The following ITPRID1 variants were observed in gnomAD, a reference collection of about 807,000 sequenced individuals.
The protein encoded by ITPRID1 is protein ITPRID1.
In ITPRID1, 96 loss-of-function variants were observed where a neutral mutation model predicts 95.4. The ratio of observed to expected loss-of-function variants is 1.01; its 90% CI spans 0.85 to 1.19. The LOEUF (loss-of-function observed/expected upper bound fraction) is 1.19. ITPRID1 is among the 50% of genes most tolerant of loss of function. ITPRID1 has a pLI of 0.00. For missense variants in ITPRID1, 1,339 were observed against 1,252.9 expected, an observed-to-expected ratio of 1.07 and a Z score of -1.04; for synonymous variants, 510 against 453.6, an observed-to-expected ratio of 1.12 and a Z score of -1.58.
intron 10 of ITPRID1, among the ~76,000 whole-genome samples, chr7:31,622,254 C>T (rs1000590972): frequency 6.7e-6 from 1 of 149,172 alleles, no homozygotes; most frequent in African/African-American, 2.5e-5. Flanking sequence ...ACCAAGCGGA[C>T]CTAATAGGCA....
chr7:31,592,457 A>T (rs956827785), intron 10 of ITPRID1, among the ~76,000 whole-genome samples: 3 of 152,206 alleles, frequency 2.0e-5, no homozygotes. Flanking sequence ...GTTGATTAAG[A>T]TGTTACTCAA....
intron 5 of ITPRID1, among the ~76,000 whole-genome samples, chr7:31,562,932 A>G (rs1784674131): frequency 6.6e-6 from 1 of 152,120 alleles, no homozygotes; most frequent in Non-Finnish European, 1.5e-5. Context: ...CACCACTAAC[A>G]TGCATTTTGG....
At chr7:31,650,607 T>C (rs1790860886) in intron 12 of ITPRID1, among the ~76,000 whole-genome samples, 1 of 152,040 alleles carries the variant, frequency 6.6e-6, no homozygotes, top group African/African-American at 2.4e-5. Context: ...GCTTGTTAGG[T>C]GGATGAAGCT....
intron 1 of ITPRID1, chr7:31,529,731 G>A (rs776521989): frequency 7.2e-6 from 11 of 1,522,690 alleles, no homozygotes; most frequent in Middle Eastern, 1.7e-4. Flanking sequence ...AACATTCAAG[G>A]AGACAAAAAG....
intron 1 of ITPRID1, among the ~76,000 whole-genome samples, chr7:31,526,498 G>A (rs890746088): frequency 1.1e-4 from 17 of 152,158 alleles, no homozygotes; most frequent in African/African-American, 4.1e-4. Flanking sequence ...CCTAAACTTT[G>A]TGTGAGAATT....
intron 10 of ITPRID1, among the ~76,000 whole-genome samples, chr7:31,604,854 AG>A (rs1475578641): frequency 1.3e-5 from 2 of 152,284 alleles, no homozygotes; most frequent in East Asian, 3.9e-4. Context: ...TAAATCTCTC[AG>A]CCAGGCAGGG....
At chr7:31,611,194 C>G (rs544075952) in intron 10 of ITPRID1, among the ~76,000 whole-genome samples, 6 of 151,326 alleles carry the variant, frequency 4.0e-5, no homozygotes, top group African/African-American at 1.2e-4. Flanking sequence ...GGATTAGTAC[C>G]AACAATTTCA....
chr7:31,634,250 G>C (rs1267183866), intron 10 of ITPRID1, among the ~76,000 whole-genome samples: 1 of 152,128 alleles, frequency 6.6e-6, no homozygotes, highest in Non-Finnish European at 1.5e-5. Context: ...GAAGACACTT[G>C]TGTGCTGAAA....
chr7:31,657,080 AT>A (rs1232640332), downstream of ITPRID1, among the ~76,000 whole-genome samples: 5 of 12,080 alleles, frequency 4.1e-4, no homozygotes, highest in African/African-American at 1.6e-3. Flanking sequence ...TGTATCATAT[AT>A]ATTTTATATA....
At chr7:31,620,797 C>A (rs368173989) in intron 10 of ITPRID1, among the ~76,000 whole-genome samples, 1 of 152,034 alleles carries the variant, frequency 6.6e-6, no homozygotes, top group Admixed American at 6.6e-5. Flanking sequence ...AGACATCAGA[C>A]GATCAAACTA....
chr7:31,636,065 A>G (rs1193581811), intron 10 of ITPRID1, among the ~76,000 whole-genome samples: 3 of 152,232 alleles, frequency 2.0e-5, no homozygotes, highest in Non-Finnish European at 4.4e-5. Context: ...AATGAGAGCT[A>G]GCAGGGGAAA....
chr7:31,519,945 T>G (rs912369695), intron 1 of ITPRID1, among the ~76,000 whole-genome samples: 1 of 151,980 alleles, frequency 6.6e-6, no homozygotes, highest in African/African-American at 2.4e-5. Flanking sequence ...TAAACATTTT[T>G]AAGTTTTTAC....
chr7:31,535,861 T>C (rs1338663431), intron 1 of ITPRID1, among the ~76,000 whole-genome samples: 1 of 152,064 alleles, frequency 6.6e-6, no homozygotes, highest in African/African-American at 2.4e-5. Context: ...TCATTCTTAT[T>C]TGTTGTTCCT....
chr7:31,527,955 A>G (rs762889831), intron 1 of ITPRID1, among the ~76,000 whole-genome samples: 5 of 152,132 alleles, frequency 3.3e-5, no homozygotes, highest in Non-Finnish European at 7.4e-5. Flanking sequence ...TTTGGTTATG[A>G]ATCACCCATT....
At chr7:31,559,889 G>T (rs1353868526) in intron 5 of ITPRID1, among the ~76,000 whole-genome samples, 2 of 152,158 alleles carry the variant, frequency 1.3e-5, no homozygotes, top group African/African-American at 2.4e-5. Flanking sequence ...GGAACACGAA[G>T]TTTCTGACAG....
At chr7:31,647,312 C>G (rs1288875907) in intron 12 of ITPRID1, among the ~76,000 whole-genome samples, 2 of 152,016 alleles carry the variant, frequency 1.3e-5, no homozygotes, top group African/African-American at 4.8e-5. Context: ...AAAATATTAA[C>G]AGGACATAGC....
In ITPRID1 at chr7:31,651,962, C is replaced by G; in HGVS notation, c.2735C>G (p.Thr912Arg). Residue 912 changes from threonine to arginine, a missense_variant, in exon 14 of 15, where the codon ACG (threonine) becomes AGG (arginine). Transcript: ENST00000615280. ...EEREEAEQLQ[T>R]LREALRQQVA... ...AGGGAGGAGGCCGAGCAACTGCAAACGTTACGTGAGGCCCTGAGGCAGCAG... is the reference window on the plus strand; with the variant it reads ...AGGGAGGAGGCCGAGCAACTGCAAAGGTTACGTGAGGCCCTGAGGCAGCAG... 2 of 1,601,258 alleles carry G rather than the reference C, an allele frequency of 1.2e-6. No individual in the cohort carries two copies. The highest frequency in any genetic ancestry group is 1.7e-6 in the Non-Finnish European group (2 of 1,174,046).
chr7:31,574,196 G>A (rs960160162), intron 7 of ITPRID1, among the ~76,000 whole-genome samples: 4 of 138,552 alleles, frequency 2.9e-5, no homozygotes, highest in Non-Finnish European at 4.7e-5. Flanking sequence ...TTCATTTCTT[G>A]CCTTTAGTGA....
chr7:31,565,941 C>A (rs1314158139), intron 5 of ITPRID1, among the ~76,000 whole-genome samples: 1 of 152,120 alleles, frequency 6.6e-6, no homozygotes, highest in Non-Finnish European at 1.5e-5. Flanking sequence ...GTAAGGCTTT[C>A]ATATGTGTCA....
Sources: allele counts gnomAD v4.1 joint callset (sites outside exome capture counted in the v4.1 genomes callset), GRCh38; gene constraint gnomAD v4.1.1; transcripts MANE v1.5; gene names NCBI Gene and HGNC (gene_info 2026-07-23, HGNC 2026-07-21).